Variants in C1RL observed in about 807,000 individuals in gnomAD.
The protein encoded by C1RL is complement C1r subcomponent like.
C1RL carries 27 observed loss-of-function variants against 27.9 expected under a neutral mutation model. The observed-to-expected ratio is 0.97, with a 90% CI of 0.71 to 1.33. C1RL has a LOEUF of 1.33. C1RL is among the 40% of genes most tolerant of loss of function. The pLI is 0.00. For synonymous variants in C1RL, 248 were observed against 252.1 expected (o/e 0.98, Z 0.15); for missense variants, 563 against 623.9 (o/e 0.90, Z 1.04).
intron 2 of C1RL, among the ~76,000 whole-genome samples, chr12:7,107,625 TTTATTATTTAC>T (rs1207987640): frequency 6.6e-6 from 1 of 152,076 alleles, no homozygotes; most frequent in Non-Finnish European, 1.5e-5. Flanking sequence ...TTTATTTTTA[TTTATTATTTAC>T]TTATTTTTGA....
intron 1 of C1RL, 180 bp downstream of exon 1, chr12:7,108,924 GTGCTGC>G (rs113832615): frequency 2.0e-4 from 119 of 586,154 alleles, no homozygotes; most frequent in Non-Finnish European, 3.0e-4. Flanking sequence ...AATATCTGCT[GTGCTGC>G]TGCTGCTGCT....
In C1RL at chr12:7,108,236, C is replaced by T. The variant is rs772487180; in HGVS notation, c.300+15G>A. Reference sequence around the variant, plus strand: ...GGCCACAGTCCTGGCGGGACCCCCCCCATCCCCAGCTCACTGTGACAGAGT... The same window carrying T: ...GGCCACAGTCCTGGCGGGACCCCCCTCATCCCCAGCTCACTGTGACAGAGT... On this transcript the variant is annotated intron_variant, in intron 2 of 5. Transcript: ENST00000266542. 1 of 1,582,006 alleles carries T rather than the reference C, an allele frequency of 6.3e-7. No individual in the cohort carries two copies. Among genetic ancestry groups the T allele is most frequent in the South Asian group, 1.1e-5 (1 of 88,290 alleles).
chr12:7,098,299 A>G (rs1411466299), intron 5 of C1RL: 1 of 152,192 alleles, frequency 6.6e-6, no homozygotes, highest in Non-Finnish European at 1.5e-5. Context: ...AAACAAAAGA[A>G]GGCAATGCTT....
chr12:7,106,721 C>A (rs75368774), intron 2 of C1RL, among the ~76,000 whole-genome samples: 12,277 of 151,952 alleles, frequency 0.081, 551 homozygotes, highest in South Asian at 0.18. Context: ...AAACAAACAC[C>A]CCCCACCAAA....
At position 7,101,954 on chromosome 12, in the gene C1RL, G is replaced by A. The variant is rs767611553; in HGVS notation, c.434C>T (p.Ser145Leu). The A allele has an allele frequency of 3.0e-5, 48 of 1,614,222 alleles. No homozygotes were observed. The highest frequency in any genetic ancestry group is 3.3e-4 in the Middle Eastern group (2 of 6,062). ...GTGGAGGTGGGCAGTCTTGTTCTCC[G>A]AGGAAGGCTGTGTGCGGAAGGTCAG... ...LRLTFRTQPS[S>L]ENKTAHLHKG... Residue 145 changes from serine (S) to leucine (L), a missense_variant, in exon 3 of 6, where the codon TCG (serine) becomes TTG (leucine). By Grantham distance (145) the Ser-to-Leu change is moderately radical (BLOSUM62 -2). Transcript: ENST00000266542.
At position 7,096,280 on chromosome 12, in the gene C1RL, TCCCCCAA is replaced by T; in HGVS notation, c.*104_*110del. On this transcript the variant is annotated 3_prime_UTR_variant, in exon 6 of 6. Transcript: ENST00000266542. ...GTGATGTGAATAGGATTTCCCTGCC[TCCCCCAA>T]CCCCCCACCCCCAACCCCTACCCCA... 1 of 992,734 alleles carries T rather than the reference TCCCCCAA, an allele frequency of 1.0e-6. No individual in the cohort carries two copies. The highest frequency in any genetic ancestry group is 1.2e-6 in the Non-Finnish European group (1 of 832,238). The allele number at this position is 992,734 out of a possible 1,614,324, so 61.5% of individuals were successfully genotyped here.
intron 2 of C1RL, among the ~76,000 whole-genome samples, chr12:7,102,979 C>A (rs1273030548): frequency 6.6e-6 from 1 of 152,180 alleles, no homozygotes; most frequent in Non-Finnish European, 1.5e-5. Flanking sequence ...GCTAGCTCTC[C>A]ATTCCCTCAT....
chr12:7,099,048 A>T lies in C1RL; in HGVS notation c.691+638T>A, dbSNP rs767135941. Among the ~76,000 whole-genome samples the T allele has an allele frequency of 8.8e-4, 132 of 149,978 alleles. 2 individuals carry two copies. Among genetic ancestry groups the T allele is most frequent in the South Asian group, 3.6e-3 (17 of 4,768 alleles). ...CTGTCTCTACTAAAAATACAAAAAA[A>T]AAAAAAAAATAAAATAAAATAAAAA... On this transcript the variant is annotated intron_variant, in intron 5 of 5. Coordinates refer to ENST00000266542, the MANE Select transcript of C1RL (RefSeq NM_016546.4).
intron 5 of C1RL, among the ~76,000 whole-genome samples, chr12:7,098,736 T>C (rs1938526237): frequency 1.3e-5 from 2 of 152,188 alleles, no homozygotes; most frequent in South Asian, 4.1e-4. Flanking sequence ...ATTCCACTGA[T>C]ATAAAATCCA....
chr12:7,108,021 T>C, intron 2 of C1RL: 1 of 420,256 alleles, frequency 2.4e-6, no homozygotes, highest in South Asian at 6.6e-5. Context: ...ACGCAGGGCC[T>C]GCTTGCTGCC....
chr12:7,096,318 C>A lies in C1RL; in HGVS notation c.*73G>T. The A allele has an allele frequency of 1.3e-6, 1 of 768,328 alleles. No individual in the cohort carries two copies. Among genetic ancestry groups the A allele is most frequent in the Non-Finnish European group, 1.7e-6 (1 of 604,876 alleles). 47.6% of individuals were successfully genotyped at this position (768,328 alleles called of 1,614,324 possible). A position where few individuals can be genotyped will look rare whatever the true frequency, so the allele number is the denominator to read the frequency against. ...CACCCCCAACCCCTACCCCAGTGTT[C>A]AGTCCTCACTCCAGGCCCTCTGTTG... On this transcript the variant is annotated 3_prime_UTR_variant, in exon 6 of 6. Transcript: ENST00000266542.
Position 7,102,061 on chromosome 12 carries a change from G to C in C1RL, c.327C>G (p.Ser109Arg). 1 of 1,611,328 alleles carries C rather than the reference G, an allele frequency of 6.2e-7. No individual in the cohort carries two copies. The highest frequency in any genetic ancestry group is 1.7e-4 in the Middle Eastern group (1 of 6,054). The change falls in exon 3 of 6, where the codon AGC (serine) becomes AGG (arginine). Residue 109 changes from serine (S) to arginine (R), a missense_variant. Coordinates refer to ENST00000266542, the MANE Select transcript of C1RL (RefSeq NM_016546.4). ...VTISFVGSDP[S>R]QFCGQQGSPL... ...GGGAGCCTTGCTGACCACAGAACTG[G>C]CTTGGATCCGAACCGACGAATGAGA...
intron 2 of C1RL, among the ~76,000 whole-genome samples, chr12:7,103,684 C>T (rs6487298): frequency 0.3 from 45,169 of 152,054 alleles, 6,962 homozygotes; most frequent in Admixed American, 0.38. Context: ...GTTCTGCTCC[C>T]GAGGAGCAGT....
intron 2 of C1RL, 23 bp downstream of exon 2, chr12:7,108,228 G>C: frequency 6.4e-7 from 1 of 1,551,866 alleles, no homozygotes; most frequent in Non-Finnish European, 8.8e-7. Context: ...GTCCTGGCGG[G>C]ACCCCCCCCA....
chr12:7,108,536 G>A, intron 1 of C1RL, 57 bp from the exon 2 acceptor site: 1 of 1,416,926 alleles, frequency 7.1e-7, no homozygotes, highest in Non-Finnish European at 9.6e-7. Context: ...GAAGCCTGTG[G>A]GTGTGGGAGG....
Position 7,099,768 on chromosome 12 carries a change from G to A in C1RL, c.617-8C>T, listed in dbSNP as rs966312966. 14 of 1,592,900 alleles carry A rather than the reference G, an allele frequency of 8.8e-6. No individual in the cohort carries two copies. The highest frequency in any genetic ancestry group is 1.1e-5 in the South Asian group (1 of 87,890). Reference sequence around the variant, plus strand: ...TTGCACAGGTGAGTGCCCCTGTGGCGTAAATGAGGAGAGGCAAAGAAATAG... The same window carrying A: ...TTGCACAGGTGAGTGCCCCTGTGGCATAAATGAGGAGAGGCAAAGAAATAG... On this transcript the variant is annotated splice_region_variant and splice_polypyrimidine_tract_variant and intron_variant, in intron 4 of 5. Transcript: ENST00000266542.
At chr12:7,106,405 T>C (rs995429219) in intron 2 of C1RL, among the ~76,000 whole-genome samples, 9 of 152,162 alleles carry the variant, frequency 5.9e-5, no homozygotes, top group Non-Finnish European at 1.0e-4. Flanking sequence ...CTGGTGAAGG[T>C]GCTCCTCCAA....
intron 2 of C1RL, among the ~76,000 whole-genome samples, chr12:7,102,958 C>A (rs1000093468): frequency 1.3e-5 from 2 of 152,198 alleles, no homozygotes; most frequent in African/African-American, 4.8e-5. Flanking sequence ...ATCCATATAT[C>A]CTAGGTTTTT....
At position 7,096,948 on chromosome 12, in the gene C1RL, A is replaced by C. The variant is rs111937138; in HGVS notation, c.907T>G (p.Leu303Val). 674 of 1,613,006 alleles carry C rather than the reference A, an allele frequency of 4.2e-4. 1 individual carries two copies. In the African/African-American group the frequency reaches 7.8e-3, roughly 19 times the overall value. ...LRKNQSVNVF[L>V]GHTAIDEMLK... ...ATCTCATCTATGGCTGTGTGGCCCA[A>C]GAACACATTCACACTCTGGTTCTTC... The change falls in exon 6 of 6, where the codon TTG becomes GTG. Residue 303 changes from leucine (L) to valine (V), a missense_variant. Coordinates refer to ENST00000266542, the MANE Select transcript of C1RL (RefSeq NM_016546.4).
Sources: gnomAD v4.1 joint callset for allele counts (sites outside exome capture counted in the v4.1 genomes callset) on GRCh38, gnomAD v4.1.1 for gene constraint, MANE v1.5 for transcripts, NCBI Gene and HGNC (gene_info 2026-07-23, HGNC 2026-07-21) for gene names.